MINDY3: variants seen among roughly 807,000 people sequenced by gnomAD.
The protein encoded by MINDY3 is MINDY lysine 48 deubiquitinase 3.
In MINDY3, 38 loss-of-function variants were observed where a neutral mutation model predicts 69.2. The ratio of observed to expected loss-of-function variants is 0.55; its 90% CI spans 0.42 to 0.72. The LOEUF (loss-of-function observed/expected upper bound fraction) is 0.72. MINDY3 is among the 30% of genes least tolerant of loss of function. The pLI, the probability that MINDY3 is intolerant of heterozygous loss-of-function variation, is 0.00. For missense variants in MINDY3, 522 were observed against 519.0 expected (o/e 1.01, Z -0.06); for synonymous variants, 192 against 180.1 (o/e 1.07, Z -0.53).
intron 1 of MINDY3, among the ~76,000 whole-genome samples, chr10:15,856,149 G>A (rs1222761039): frequency 6.6e-6 from 1 of 151,948 alleles, no homozygotes; most frequent in African/African-American, 2.4e-5. Context: ...AAAAATTAAT[G>A]ATGTTGGTGT....
chr10:15,830,143 C>G (rs572971946), intron 8 of MINDY3, among the ~76,000 whole-genome samples: 25 of 152,260 alleles, frequency 1.6e-4, no homozygotes, highest in African/African-American at 6.0e-4. Flanking sequence ...AGCTGCATAA[C>G]CAATGTCTGC....
intron 10 of MINDY3, among the ~76,000 whole-genome samples, chr10:15,797,369 C>T (rs369833688): frequency 3.5e-4 from 54 of 152,290 alleles, no homozygotes; most frequent in African/African-American, 1.2e-3. Context: ...AGTTGTCTCT[C>T]ATTTACCATC....
chr10:15,840,125 C>G (rs1223508310), intron 4 of MINDY3, among the ~76,000 whole-genome samples: 1 of 151,540 alleles, frequency 6.6e-6, no homozygotes, highest in Non-Finnish European at 1.5e-5. Context: ...TTTAAAATAC[C>G]TTTTCAAAAG....
At chr10:15,812,464 C>A (rs1008404260) in intron 10 of MINDY3, among the ~76,000 whole-genome samples, 5 of 152,138 alleles carry the variant, frequency 3.3e-5, no homozygotes, top group Admixed American at 6.5e-5. Flanking sequence ...CCTACCCATG[C>A]AATATTAGAA....
intron 11 of MINDY3, 40 bp downstream of exon 11, chr10:15,796,060 T>C (rs778338898): frequency 1.4e-6 from 2 of 1,428,174 alleles, no homozygotes; most frequent in East Asian, 4.6e-5. Flanking sequence ...TTCAAACATA[T>C]GAAGACATAA....
intron 1 of MINDY3, among the ~76,000 whole-genome samples, chr10:15,852,906 C>T (rs1362473949): frequency 6.6e-6 from 1 of 152,044 alleles, no homozygotes; most frequent in Non-Finnish European, 1.5e-5. Flanking sequence ...CATATCATTC[C>T]CTAAACAATA....
intron 13 of MINDY3, among the ~76,000 whole-genome samples, chr10:15,783,557 T>TA (rs1381408157): frequency 6.6e-6 from 1 of 152,192 alleles, no homozygotes; most frequent in African/African-American, 2.4e-5. Flanking sequence ...ACACACTAGT[T>TA]AGTTTTTTAC....
At chr10:15,797,051 A>G (rs1275512189) in intron 10 of MINDY3, among the ~76,000 whole-genome samples, 1 of 152,052 alleles carries the variant, frequency 6.6e-6, no homozygotes, top group Non-Finnish European at 1.5e-5. Context: ...TTTATGGGGT[A>G]CAAATGTTAA....
chr10:15,796,280 G>A lies in MINDY3; in HGVS notation c.883-108C>T, dbSNP rs538099249. 9.7e-6 allele frequency: 8 copies of A among 826,884 alleles called. No individual in the cohort carries two copies. The Admixed American group carries it at 1.5e-4, about 16-fold the overall frequency. 51.2% of individuals were successfully genotyped at this position (826,884 alleles called of 1,614,324 possible). ...AATGACATTGGAGTCAGAAGACTTT[G>A]AGTTACATTTGTATCATAGATGTGT... On this transcript the variant is annotated intron_variant, in intron 10 of 14. Transcript: ENST00000277632.
chr10:15,816,267 AAAAAAAAAAAAAAT>A, intron 10 of MINDY3, among the ~76,000 whole-genome samples: 1 of 141,164 alleles, frequency 7.1e-6, no homozygotes, highest in African/African-American at 3.1e-5. Context: ...TCTCAAAAAA[AAAAAAAAAAAAAAT>A]GAAAAAGAAA....
intron 4 of MINDY3, 94 bp from the exon 5 acceptor site, chr10:15,838,373 C>G: frequency 9.1e-7 from 1 of 1,096,984 alleles, no homozygotes; most frequent in Non-Finnish European, 1.2e-6. Flanking sequence ...GCAATCAAAA[C>G]TTTCCCTATT....
intron 8 of MINDY3, among the ~76,000 whole-genome samples, chr10:15,823,277 T>A (rs1216971589): frequency 2.0e-5 from 3 of 152,180 alleles, no homozygotes; most frequent in Non-Finnish European, 4.4e-5. Flanking sequence ...TGGTTTAGGA[T>A]TCCTCAGGGA....
At chr10:15,835,515 A>G (rs1335386672) in intron 6 of MINDY3, among the ~76,000 whole-genome samples, 1 of 152,134 alleles carries the variant, frequency 6.6e-6, no homozygotes, top group Non-Finnish European at 1.5e-5. Flanking sequence ...GATAATGTCA[A>G]GATGAATACT....
At chr10:15,856,833 G>C (rs1202297145) in intron 1 of MINDY3, among the ~76,000 whole-genome samples, 1 of 152,100 alleles carries the variant, frequency 6.6e-6, no homozygotes. Flanking sequence ...GTTCTGTTTG[G>C]TTGTGGTCAC....
intron 10 of MINDY3, among the ~76,000 whole-genome samples, chr10:15,797,462 T>C (rs1837926516): frequency 6.6e-6 from 1 of 152,166 alleles, no homozygotes; most frequent in African/African-American, 2.4e-5. Flanking sequence ...AAGTGACATG[T>C]TTTCATTTGG....
chr10:15,785,805 A>C (rs1836914361), intron 13 of MINDY3, among the ~76,000 whole-genome samples: 1 of 152,096 alleles, frequency 6.6e-6, no homozygotes, highest in Non-Finnish European at 1.5e-5. Context: ...CTTGCTTTTA[A>C]ATTTTTTCTA....
At position 15,789,232 on chromosome 10, in the gene MINDY3, T is replaced by C. The variant is rs924358129; in HGVS notation, c.1028+15A>G. 47 of 1,596,102 alleles carry C rather than the reference T, an allele frequency of 2.9e-5. No individual in the cohort carries two copies. Among genetic ancestry groups the C allele is most frequent in the Admixed American group, 2.5e-4 (15 of 59,616 alleles). ...CTTTTTGAGTTGGCTAAATAACACT[T>C]CCTATTTAGCTTACTATTCAGGATC... On this transcript the variant is annotated intron_variant, in intron 12 of 14. Transcript: ENST00000277632.
chr10:15,837,781 T>C, intron 5 of MINDY3: 1 of 1,032,986 alleles, frequency 9.7e-7, no homozygotes, highest in South Asian at 3.5e-5. Context: ...ATGCCACCCA[T>C]AATTCTATCA....
intron 10 of MINDY3, 104 bp downstream of exon 10, chr10:15,816,731 T>G: frequency 1.3e-6 from 1 of 766,476 alleles, no homozygotes; most frequent in Non-Finnish European, 2.2e-6. Flanking sequence ...TCATTTGTTG[T>G]GGGAATAGAC....
Sources: allele counts gnomAD v4.1 joint callset (sites outside exome capture counted in the v4.1 genomes callset), GRCh38; gene constraint gnomAD v4.1.1; transcripts MANE v1.5; gene names NCBI Gene and HGNC (gene_info 2026-07-23, HGNC 2026-07-21).